Variants in IQCH observed in about 807,000 individuals in gnomAD.
IQCH encodes the protein IQ motif containing H.
IQCH carries 98 observed loss-of-function variants against 117.0 expected under a neutral mutation model. That is an observed-to-expected ratio of 0.84 (90% CI 0.71 to 0.99). IQCH has a LOEUF of 0.99. Ranked by LOEUF, IQCH falls within the 50% of genes least tolerant of loss-of-function variation. IQCH has a pLI of 0.00. For synonymous variants in IQCH, 412 were observed against 448.2 expected (o/e 0.92, Z 1.02); for missense variants, 1,102 against 1,243.8 (o/e 0.89, Z 1.72).
chr15:67,471,671 T>C (rs2414960), intron 17 of IQCH, among the ~76,000 whole-genome samples: 152,008 of 152,348 alleles, frequency 1, 75,835 homozygotes, highest in Middle Eastern at 1. Context: ...TAGTTTAATA[T>C]GTGAAAATAA....
Position 67,384,908 on chromosome 15 carries a change from G to A in IQCH, c.1373-28G>A, listed in dbSNP as rs762774253. 5.0e-6 allele frequency: 7 copies of A among 1,410,290 alleles called. No individual in the cohort carries two copies. In the Admixed American group the frequency reaches 1.2e-4, roughly 24 times the overall value. 87.4% of individuals were successfully genotyped at this position (1,410,290 alleles called of 1,614,324 possible). On this transcript the variant is annotated intron_variant, in intron 10 of 20. Coordinates refer to ENST00000335894, the MANE Select transcript of IQCH (RefSeq NM_001031715.3). The surrounding 1 kb of genome is among the most constrained non-coding windows in gnomAD (Gnocchi z 4.3). ...TTTGCTATATCGACTTGCTCTTTCT[G>A]TGTTTTGACACCTTGTTTGCCTTTT...
rs1214699612 is a variant in IQCH, at chr15:67,472,498, G to T, written c.2677-3198G>T. Among the ~76,000 whole-genome samples the T allele has an allele frequency of 1.3e-5, 2 of 152,200 alleles. No homozygotes were observed. The highest frequency in any genetic ancestry group is 4.8e-5 in the African/African-American group (2 of 41,456). ...CAGAATCCCAGGAGATGGGGGAAGA[G>T]TAGGGGAAAAAACAGCCTGGGAAGT... On this transcript the variant is annotated intron_variant, in intron 17 of 20. Coordinates refer to ENST00000335894, the MANE Select transcript of IQCH (RefSeq NM_001031715.3). The surrounding 1 kb of genome is among the most constrained non-coding windows in gnomAD (Gnocchi z 4.3).
chr15:67,269,699 CT>C (rs56720637), intron 3 of IQCH, among the ~76,000 whole-genome samples: 146,185 of 147,616 alleles, frequency 0.99, 72,380 homozygotes, highest in South Asian at 1. Context: ...ATGAGATCCA[CT>C]TTTTTTTTTT....
rs971513944 is a variant in IQCH at position 67,408,222 on chromosome 15, G to A, written c.2097+7917G>A. ...TCACATCCAGGAAGTCCCTGTTGGA[G>A]GTCTTTTGGAAAGGTCCGCTTTGCT... On this transcript the variant is annotated intron_variant, in intron 14 of 20. Coordinates refer to ENST00000335894, the MANE Select transcript of IQCH (RefSeq NM_001031715.3). The surrounding 1 kb of genome is among the most constrained non-coding windows in gnomAD (Gnocchi z 4.2). The A allele has an allele frequency of 6.6e-6, 1 of 152,260 alleles. No individual in the cohort carries two copies. Among genetic ancestry groups the A allele is most frequent in the African/African-American group, 2.4e-5 (1 of 41,448 alleles). 9.4% of individuals were successfully genotyped at this position (152,260 alleles called of 1,614,324 possible).
chr15:67,316,824 A>G (rs1290480470), intron 4 of IQCH, among the ~76,000 whole-genome samples: 3 of 152,166 alleles, frequency 2.0e-5, no homozygotes, highest in Admixed American at 1.3e-4. Flanking sequence ...AGCATTCTTT[A>G]TCCTTTTCTA....
In IQCH at chr15:67,261,747, C is replaced by G. The variant is rs79365563; in HGVS notation, c.174+353C>G. 1.2e-3 allele frequency among the ~76,000 whole-genome samples: 184 copies of G among 152,188 alleles called. 1 individual carries two copies. In the East Asian group the frequency reaches 0.024, roughly 20 times the overall value. ...AATTACTGTCAATCCAACAATATGC[C>G]TGACCAATATATTGCAGATTTTCTG... On this transcript the variant is annotated intron_variant, in intron 2 of 20. Transcript: ENST00000335894.
At chr15:67,334,955 GAA>G (rs1336957223) in intron 4 of IQCH, among the ~76,000 whole-genome samples, 2 of 152,108 alleles carry the variant, frequency 1.3e-5, no homozygotes, top group African/African-American at 4.8e-5. Context: ...CCTTACCATG[GAA>G]GAGGACAGCA....
At chr15:67,325,022 C>T (rs1193921062) in intron 4 of IQCH, among the ~76,000 whole-genome samples, 1 of 152,064 alleles carries the variant, frequency 6.6e-6, no homozygotes, top group African/African-American at 2.4e-5. Flanking sequence ...TTCTCTCCCT[C>T]CTCTCCTTCT....
intron 16 of IQCH, among the ~76,000 whole-genome samples, chr15:67,429,539 G>A (rs527272607): frequency 1.4e-4 from 22 of 152,022 alleles, no homozygotes; most frequent in Non-Finnish European, 2.8e-4. Flanking sequence ...AAGCAAACAT[G>A]TATTATATTT....
chr15:67,437,696 G>GA (rs2082172193), intron 16 of IQCH, among the ~76,000 whole-genome samples: 2 of 152,088 alleles, frequency 1.3e-5, no homozygotes, highest in East Asian at 3.8e-4. Flanking sequence ...ATAGCTTAAA[G>GA]AAAAAACAAT....
chr15:67,344,612 C>G (rs910926968), intron 6 of IQCH, among the ~76,000 whole-genome samples: 5 of 152,174 alleles, frequency 3.3e-5, no homozygotes, highest in Non-Finnish European at 7.3e-5. Flanking sequence ...GGTCACTGAC[C>G]TTGATATGCA....
At chr15:67,478,734 G>A (rs891174521) in intron 18 of IQCH, among the ~76,000 whole-genome samples, 5 of 151,964 alleles carry the variant, frequency 3.3e-5, no homozygotes, top group African/African-American at 7.3e-5. Context: ...GACCATCCTG[G>A]CCAACATGGT....
intron 1 of IQCH, 123 bp downstream of exon 1, chr15:67,255,070 G>A: frequency 1.0e-6 from 1 of 963,538 alleles, no homozygotes; most frequent in East Asian, 2.6e-5. Flanking sequence ...CCTCCAACTC[G>A]CGAGAGGCTC....
chr15:67,437,270 G>A (rs1422270762), intron 16 of IQCH, among the ~76,000 whole-genome samples: 2 of 152,168 alleles, frequency 1.3e-5, no homozygotes, highest in Non-Finnish European at 2.9e-5. Context: ...CCAGAGCCAG[G>A]TAGACTTGAT....
chr15:67,257,215 T>C (rs1965260679), intron 1 of IQCH, among the ~76,000 whole-genome samples: 1 of 152,220 alleles, frequency 6.6e-6, no homozygotes, highest in Admixed American at 6.5e-5. Context: ...TTGGATTAGG[T>C]TCACTTCTGA....
In IQCH at chr15:67,309,483, C is replaced by A. The variant is rs148173108; in HGVS notation, c.388-27492C>A. ...CACATATTAGGTATTAAGGACAGGA[C>A]TGATTTGTCCCCTCCTCTGTCTAGT... On this transcript the variant is annotated intron_variant, in intron 4 of 20. Transcript: ENST00000335894. 1.8e-3 allele frequency among the ~76,000 whole-genome samples: 273 copies of A among 152,184 alleles called. 1 individual carries two copies. Among genetic ancestry groups the A allele is most frequent in the Admixed American group, 5.1e-3 (78 of 15,264 alleles).
chr15:67,344,174 G>A lies in IQCH; in HGVS notation c.620G>A (p.Arg207His), dbSNP rs371149945. 2.7e-5 allele frequency: 43 copies of A among 1,613,210 alleles called. No homozygotes were observed. Among genetic ancestry groups the A allele is most frequent in the South Asian group, 1.2e-4 (11 of 91,022 alleles). Residue 207 changes from arginine (R) to histidine (H), a missense_variant, in exon 6 of 21, where the codon CGT (arginine) becomes CAT (histidine). Physicochemically the swap from Arg to His is conservative, Grantham distance 29. This residue lies in a region of IQCH where 452 missense variants were observed against 449.6 expected (regional missense o/e 1.01). Coordinates refer to ENST00000335894, the MANE Select transcript of IQCH (RefSeq NM_001031715.3). ...AAPLHSFDEA[R>H]KIPTVATFTI... ...CCTCTGCATAGTTTTGATGAAGCAC[G>A]TAAGATTCCAACTGTAGGTAAGATA... is the stretch of plus-strand genomic sequence containing the variant.
Position 67,443,801 on chromosome 15 carries a change from A to G in IQCH, c.2506-21326A>G, listed in dbSNP as rs1229170338. On this transcript the variant is annotated intron_variant, in intron 16 of 20. Transcript: ENST00000335894. This position sits in a 1 kb window ranked among gnomAD's most constrained non-coding sequence, Gnocchi z 5.0. ...ATGGCCAGAGTAATTACGAATGATA[A>G]TATTAACTACTTACTGTATTTGTAT... Among the ~76,000 whole-genome samples, 1 of 152,210 alleles carries G rather than the reference A, an allele frequency of 6.6e-6. No individual in the cohort carries two copies. The highest frequency in any genetic ancestry group is 6.5e-5 in the Admixed American group (1 of 15,286).
chr15:67,464,869 G>A (rs1259609522), intron 16 of IQCH, among the ~76,000 whole-genome samples: 1 of 152,230 alleles, frequency 6.6e-6, no homozygotes, highest in South Asian at 2.1e-4. Context: ...AGCTTTGCAA[G>A]ACTCGGCATC....
Sources: gnomAD v4.1 joint callset for allele counts (sites outside exome capture counted in the v4.1 genomes callset) on GRCh38, gnomAD v4.1.1 for gene constraint, gnomAD v4.1.1 regional missense constraint, Gnocchi (gnomAD v3.1) non-coding constraint, MANE v1.5 for transcripts, NCBI Gene and HGNC (gene_info 2026-07-23, HGNC 2026-07-21) for gene names.